The following DSG3 variants were observed in gnomAD, a reference collection of about 807,000 sequenced individuals.
DSG3 encodes the protein desmoglein 3.
A neutral mutation model predicts 85.9 loss-of-function variants in DSG3; 63 were observed. The observed-to-expected ratio is 0.73, with a 90% CI of 0.60 to 0.90. The LOEUF (loss-of-function observed/expected upper bound fraction) is 0.90. DSG3 is among the 40% of genes least tolerant of loss of function. The probability of loss-of-function intolerance (pLI) is 0.00; values close to 1 mark genes in which losing one functional copy is unlikely to be tolerated. For synonymous variants in DSG3, 447 were observed against 441.9 expected, an observed-to-expected ratio of 1.01 and a Z score of -0.14; for missense variants, 1,220 against 1,219.9, an observed-to-expected ratio of 1.00 and a Z score of 0.00.
rs760672247 is a variant in DSG3, at chr18:31,458,515, C to A, written c.287C>A (p.Pro96His). Residue 96 changes from proline (P) to histidine (H), a missense_variant, in exon 4 of 16, where the codon CCT (proline) becomes CAT (histidine). By Grantham distance (77) the Pro-to-His change is moderately conservative. Coordinates refer to ENST00000257189, the MANE Select transcript of DSG3 (RefSeq NM_001944.3). ...RISGVGIDQP[P>H]FGIFVVDKNT... Reference sequence around the variant, plus strand: ...TCTGGAGTGGGAATCGATCAGCCGCCTTTTGGAATCTTTGTTGTTGACAAA... The same window carrying A: ...TCTGGAGTGGGAATCGATCAGCCGCATTTTGGAATCTTTGTTGTTGACAAA... 1.2e-6 allele frequency: 2 copies of A among 1,614,050 alleles called. No homozygotes were observed. The highest frequency in any genetic ancestry group is 8.5e-7 in the Non-Finnish European group (1 of 1,179,942).
chr18:31,472,329 C>T lies in DSG3; in HGVS notation c.1943C>T (p.Thr648Ile), dbSNP rs868180145. 1 of 1,614,094 alleles carries T rather than the reference C, an allele frequency of 6.2e-7. No individual in the cohort carries two copies. Reference sequence around the variant, plus strand: ...ACCTGTGACTGTGGGGCAGGTTCTACTGGGGGAGTGACAGGTGGTTTTATC... The same window carrying T: ...ACCTGTGACTGTGGGGCAGGTTCTATTGGGGGAGTGACAGGTGGTTTTATC... ...LLTCDCGAGS[T>I]GGVTGGFIPV... The change falls in exon 13 of 16, where the codon ACT (threonine) becomes ATT (isoleucine). Residue 648 changes from threonine to isoleucine, a missense_variant. Thr to Ile is a moderately conservative substitution (Grantham distance 89). Coordinates refer to ENST00000257189, the MANE Select transcript of DSG3 (RefSeq NM_001944.3).
chr18:31,471,053 A>G (rs777985628), intron 12 of DSG3, among the ~76,000 whole-genome samples: 3 of 152,242 alleles, frequency 2.0e-5, no homozygotes, highest in African/African-American at 4.8e-5. Context: ...CAGTGTGTAC[A>G]GTATAACAGT....
At chr18:31,449,656 A>G (rs573288118) in intron 1 of DSG3, among the ~76,000 whole-genome samples, 1 of 152,296 alleles carries the variant, frequency 6.6e-6, no homozygotes, top group East Asian at 1.9e-4. Flanking sequence ...GCCTTCTCTA[A>G]ACTAAAAAAC....
chr18:31,476,152 G>C lies in DSG3; in HGVS notation c.2892G>C (p.Arg964Ser), dbSNP rs138907681. Reference protein sequence around the residue: ...LLTQNVIVTERVICPISSVPG... With the variant: ...LLTQNVIVTESVICPISSVPG... The stretch of plus-strand genomic sequence containing the variant: ...CACAAAATGTGATAGTGACAGAAAG[G>C]GTGATCTGTCCCATTTCCAGTGTTC... The change falls in exon 16 of 16, where the codon AGG becomes AGC. Residue 964 changes from arginine (R) to serine (S), a missense_variant. Arg to Ser is a moderately radical substitution (Grantham distance 110, BLOSUM62 -1). Transcript: ENST00000257189. The C allele has an allele frequency of 1.1e-3, 1,717 of 1,614,188 alleles. 1 individual carries two copies. The highest frequency in any genetic ancestry group is 1.4e-3 in the Non-Finnish European group (1,600 of 1,180,034).
chr18:31,455,772 T>G (rs1568085780), intron 1 of DSG3, among the ~76,000 whole-genome samples: 1 of 152,206 alleles, frequency 6.6e-6, no homozygotes, highest in African/African-American at 2.4e-5. Context: ...TTTAATTTTT[T>G]GGGGCCACTC....
At chr18:31,457,585 C>CTTTCTTCT (rs1555666278) in intron 3 of DSG3, among the ~76,000 whole-genome samples, 38 of 61,196 alleles carry the variant, frequency 6.2e-4, no homozygotes, top group South Asian at 3.3e-3. Context: ...TTCTTTCTTT[C>CTTTCTTCT]TTCTTTCTTT....
In DSG3 at chr18:31,447,893, C is replaced by A; in HGVS notation, c.16C>A (p.Pro6Thr). MMGLFPRTTGALAIFV... is the reference protein window; with the variant it reads MMGLFTRTTGALAIFV... ...ATCAGAGACAATGATGGGGCTCTTC[C>A]CCAGAACTACAGGGGCTCTGGCCAT... The change falls in exon 1 of 16, where the codon CCC becomes ACC. Residue 6 changes from proline to threonine, a missense_variant. Physicochemically the swap from Pro to Thr is conservative, Grantham distance 38. Coordinates refer to ENST00000257189, the MANE Select transcript of DSG3 (RefSeq NM_001944.3). 1.3e-6 allele frequency: 2 copies of A among 1,590,880 alleles called. No homozygotes were observed. Among genetic ancestry groups the A allele is most frequent in the Non-Finnish European group, 1.7e-6 (2 of 1,170,222 alleles).
chr18:31,461,562 C>T (rs553771217), intron 8 of DSG3, 150 bp downstream of exon 8: 53 of 744,878 alleles, frequency 7.1e-5, no homozygotes, highest in East Asian at 1.6e-4. Flanking sequence ...CCCATAGAGC[C>T]GCTTTACCTG....
At position 31,460,935 on chromosome 18, in the gene DSG3, A is replaced by G; in HGVS notation, c.787A>G (p.Asn263Asp). ...TATTAAAGTGAAAGATGTCAACGAT[A>G]ACTTCCCAATGTTTAGAGACTCTCA... is the stretch of plus-strand genomic sequence containing the variant. The part of the protein sequence containing the change: ...CNIKVKDVND[N>D]FPMFRDSQYS... Residue 263 changes from asparagine (N) to aspartate (D), a missense_variant, in exon 7 of 16, where the codon AAC becomes GAC. Asn to Asp is a conservative substitution (Grantham distance 23). Coordinates refer to ENST00000257189, the MANE Select transcript of DSG3 (RefSeq NM_001944.3). 2 of 1,603,310 alleles carry G rather than the reference A, an allele frequency of 1.2e-6. No homozygotes were observed. The highest frequency in any genetic ancestry group is 1.3e-5 in the African/African-American group (1 of 74,264).
intron 8 of DSG3, among the ~76,000 whole-genome samples, chr18:31,463,840 T>A (rs956538268): frequency 5.3e-5 from 8 of 152,184 alleles, no homozygotes; most frequent in Admixed American, 2.0e-4. Flanking sequence ...AACTTGGGGT[T>A]CTTTCCACTG....
At chr18:31,469,399 A>G (rs753439348) in intron 12 of DSG3, 50 bp downstream of exon 12, 7 of 1,602,894 alleles carry the variant, frequency 4.4e-6, no homozygotes, top group Non-Finnish European at 5.1e-6. Flanking sequence ...CCTCATTTGC[A>G]AAGGCCTCCA....
intron 8 of DSG3, among the ~76,000 whole-genome samples, chr18:31,461,922 T>G (rs1327003681): frequency 6.6e-6 from 1 of 152,180 alleles, no homozygotes. Flanking sequence ...AGATAAATAA[T>G]TGGGTAAAGC....
chr18:31,456,715 G>A (rs1034468795), intron 2 of DSG3, among the ~76,000 whole-genome samples: 1 of 151,894 alleles, frequency 6.6e-6, no homozygotes, highest in Non-Finnish European at 1.5e-5. Context: ...AAATCAGCTG[G>A]TCAAACCCTA....
rs201769930 is a variant in DSG3 at position 31,466,700 on chromosome 18, C to A, written c.1582C>A (p.Leu528Met). 1 of 1,614,202 alleles carries A rather than the reference C, an allele frequency of 6.2e-7. No homozygotes were observed. Among genetic ancestry groups the A allele is most frequent in the East Asian group, 2.2e-5 (1 of 44,878 alleles). ...ATACACTGGCCCCTATACATTTGCA[C>A]TGGAAGATCAACCTGTAAAGTTGCC... ...NRYTGPYTFA[L>M]EDQPVKLPAV... The change falls in exon 11 of 16, where the codon CTG becomes ATG. Residue 528 changes from leucine (L) to methionine (M), a missense_variant. Physicochemically the swap from Leu to Met is conservative, Grantham distance 15. Coordinates refer to ENST00000257189, the MANE Select transcript of DSG3 (RefSeq NM_001944.3).
At chr18:31,452,517 CAAAAAAAAAAAAA>C (rs35886860) in intron 1 of DSG3, among the ~76,000 whole-genome samples, 1 of 51,838 alleles carries the variant, frequency 1.9e-5, no homozygotes, top group Non-Finnish European at 4.1e-5. Context: ...GACTCCGTCT[CAAAAAAAAAAAAA>C]AAAAAAAAAA....
Position 31,458,958 on chromosome 18 carries a change from G to A in DSG3, c.373-75G>A, listed in dbSNP as rs2072766312. The A allele has an allele frequency of 2.0e-6, 3 of 1,509,492 alleles. No individual in the cohort carries two copies. The Admixed American group carries it at 6.2e-5, about 31-fold the overall frequency. 93.5% of individuals were successfully genotyped at this position (1,509,492 alleles called of 1,614,324 possible). A position where few individuals can be genotyped will look rare whatever the true frequency, so the allele number is the denominator to read the frequency against. On this transcript the variant is annotated intron_variant, in intron 4 of 15. Coordinates refer to ENST00000257189, the MANE Select transcript of DSG3 (RefSeq NM_001944.3). Reference sequence around the variant, plus strand: ...AAAAGTGATGTCCATGCCAACAGAGGCCTTATTTATACAAGTTTTAATAGT... The same window carrying A: ...AAAAGTGATGTCCATGCCAACAGAGACCTTATTTATACAAGTTTTAATAGT...
At position 31,469,265 on chromosome 18, in the gene DSG3, G is replaced by T; in HGVS notation, c.1813G>T (p.Gly605Trp). The change falls in exon 12 of 16, where the codon GGG (glycine) becomes TGG (tryptophan). Residue 605 changes from glycine (G) to tryptophan (W), a missense_variant. Physicochemically the swap from Gly to Trp is radical, Grantham distance 184. Coordinates refer to ENST00000257189, the MANE Select transcript of DSG3 (RefSeq NM_001944.3). Reference sequence around the variant, plus strand: ...AACTTCTTACCCAACCACAAGCCCTGGGACCAGGTATGGCAGGCCGCACTC... The same window carrying T: ...AACTTCTTACCCAACCACAAGCCCTTGGACCAGGTATGGCAGGCCGCACTC... ...CGTSYPTTSPGTRYGRPHSGR... is the reference protein window; with the variant it reads ...CGTSYPTTSPWTRYGRPHSGR... The T allele has an allele frequency of 1.9e-6, 3 of 1,614,134 alleles. No individual in the cohort carries two copies. Among genetic ancestry groups the T allele is most frequent in the Non-Finnish European group, 1.7e-6 (2 of 1,180,036 alleles).
rs1373858529 is a variant in DSG3, at chr18:31,472,405, A to G, written c.2019A>G (p.Gly673=). 1 of 1,613,442 alleles carries G rather than the reference A, an allele frequency of 6.2e-7. No individual in the cohort carries two copies. The highest frequency in any genetic ancestry group is 1.3e-5 in the African/African-American group (1 of 75,014). ...CAATTCATCAGTGGGGAATTGAAGGAGCCCATCCTGAAGACAAGGTAAGCA... is the reference window on the plus strand; with the variant it reads ...CAATTCATCAGTGGGGAATTGAAGGGGCCCATCCTGAAGACAAGGTAAGCA... ...EGTIHQWGIE[G]AHPEDKEITN... The change falls in exon 13 of 16, where the codon GGA becomes GGG. Residue 673 remains glycine (G), a synonymous_variant. Coordinates refer to ENST00000257189, the MANE Select transcript of DSG3 (RefSeq NM_001944.3).
intron 11 of DSG3, among the ~76,000 whole-genome samples, chr18:31,467,256 A>C (rs3794926): frequency 0.1 from 15,539 of 152,130 alleles, 831 homozygotes; most frequent in Non-Finnish European, 0.11. Context: ...CAGGAGAATC[A>C]CTTGAACCCA....
Sources: allele counts gnomAD v4.1 joint callset (sites outside exome capture counted in the v4.1 genomes callset), GRCh38; gene constraint gnomAD v4.1.1; transcripts MANE v1.5; gene names NCBI Gene and HGNC (gene_info 2026-07-23, HGNC 2026-07-21).